Variants in CATSPERB observed in about 807,000 individuals in gnomAD.
The protein encoded by CATSPERB is catsper channel auxiliary subunit beta.
In CATSPERB, 93 loss-of-function variants were observed where a neutral mutation model predicts 128.3. That is an observed-to-expected ratio of 0.72 (90% CI 0.61 to 0.86). CATSPERB has a LOEUF of 0.86. Ranked by LOEUF, CATSPERB falls within the 40% of genes least tolerant of loss-of-function variation. The probability of loss-of-function intolerance (pLI) is 0.00; values close to 1 mark genes in which losing one functional copy is unlikely to be tolerated. For missense variants in CATSPERB, 1,153 were observed against 1,329.5 expected (o/e 0.87, Z 2.06); for synonymous variants, 381 against 448.8 (o/e 0.85, Z 1.91).
chr14:91,594,410 T>C (rs1031330944), intron 22 of CATSPERB, among the ~76,000 whole-genome samples: 3 of 151,398 alleles, frequency 2.0e-5, no homozygotes, highest in African/African-American at 7.3e-5. Context: ...CACACCAACA[T>C]GGCACATGTA....
chr14:91,687,376 A>G (rs1023784561), intron 10 of CATSPERB, among the ~76,000 whole-genome samples: 2 of 152,100 alleles, frequency 1.3e-5, no homozygotes, highest in African/African-American at 4.8e-5. Context: ...TGGAATTAGT[A>G]CCCTTATTTG....
intron 22 of CATSPERB, chr14:91,604,908 G>T: frequency 8.0e-7 from 1 of 1,243,168 alleles, no homozygotes; most frequent in Non-Finnish European, 1.2e-6. Context: ...GTCTTAACCT[G>T]TTTGTAGCTG....
intron 10 of CATSPERB, among the ~76,000 whole-genome samples, chr14:91,688,781 C>T (rs955096413): frequency 2.0e-5 from 3 of 152,156 alleles, no homozygotes; most frequent in African/African-American, 7.2e-5. Context: ...ACTTGAAGCT[C>T]TTTATTGATA....
chr14:91,727,516 C>A (rs17783522), intron 2 of CATSPERB, among the ~76,000 whole-genome samples: 77,156 of 151,968 alleles, frequency 0.51, 20,288 homozygotes, highest in Admixed American at 0.59. Flanking sequence ...ACAAATATCA[C>A]AAATATGCAA....
At chr14:91,727,621 A>G (rs1896139395) in intron 2 of CATSPERB, among the ~76,000 whole-genome samples, 1 of 152,212 alleles carries the variant, frequency 6.6e-6, no homozygotes, top group African/African-American at 2.4e-5. Flanking sequence ...CAATGCTATC[A>G]GACCTATTTT....
intron 13 of CATSPERB, among the ~76,000 whole-genome samples, chr14:91,671,691 T>G (rs2139830740): frequency 6.6e-6 from 1 of 152,208 alleles, no homozygotes; most frequent in South Asian, 2.1e-4. Context: ...AAAAGCAATT[T>G]GTTTTTCCAT....
chr14:91,585,306 CTT>C (rs2139754502), intron 26 of CATSPERB, among the ~76,000 whole-genome samples: 1 of 152,266 alleles, frequency 6.6e-6, no homozygotes, highest in African/African-American at 2.4e-5. Context: ...CCATACCAGT[CTT>C]TTTCTCCTCT....
intron 22 of CATSPERB, among the ~76,000 whole-genome samples, chr14:91,608,021 G>C (rs186499099): frequency 6.6e-6 from 1 of 152,132 alleles, no homozygotes; most frequent in African/African-American, 2.4e-5. Context: ...CCTTTCATTC[G>C]AGAAAAGATG....
intron 16 of CATSPERB, 100 bp from the exon 17 acceptor site, chr14:91,636,679 A>C: frequency 2.0e-6 from 2 of 1,006,866 alleles, no homozygotes; most frequent in Non-Finnish European, 2.9e-6. Flanking sequence ...CATTAAAACA[A>C]TACTGGTTTA....
In CATSPERB at chr14:91,729,842, G is replaced by A. The variant is rs374152741; in HGVS notation, c.1-363C>T. Among the ~76,000 whole-genome samples, 12 of 152,260 alleles carry A rather than the reference G, an allele frequency of 7.9e-5. No individual in the cohort carries two copies. The East Asian group carries it at 2.1e-3, about 27-fold the overall frequency. Reference sequence around the variant, plus strand: ...TAACTTAATCTAATATTTTGACAACGTTGCTTTTGGGGAAGACAATTCACA... The same window carrying A: ...TAACTTAATCTAATATTTTGACAACATTGCTTTTGGGGAAGACAATTCACA... On this transcript the variant is annotated intron_variant, in intron 1 of 26. Transcript: ENST00000256343.
At chr14:91,664,764 C>A (rs1009090675) in intron 14 of CATSPERB, among the ~76,000 whole-genome samples, 3 of 152,082 alleles carry the variant, frequency 2.0e-5, no homozygotes, top group Non-Finnish European at 4.4e-5. Flanking sequence ...GTTCCAATTC[C>A]TTGGTCTTTC....
intron 4 of CATSPERB, among the ~76,000 whole-genome samples, chr14:91,721,475 A>G (rs1036058001): frequency 6.6e-6 from 1 of 152,228 alleles, no homozygotes; most frequent in Non-Finnish European, 1.5e-5. Context: ...AAGATACTCA[A>G]CATCATTAGT....
At chr14:91,586,571 A>AGAGAAAGAGAGAGAG (rs374162982) in intron 26 of CATSPERB, among the ~76,000 whole-genome samples, 2,996 of 114,020 alleles carry the variant, frequency 0.026, 68 homozygotes, top group African/African-American at 0.046. Flanking sequence ...GAGAGAGAGA[A>AGAGAAAGAGAGAGAG]AGAGAGAGAG....
Position 91,581,091 on chromosome 14 carries a change from G to T in CATSPERB, c.3149C>A (p.Ala1050Glu). 1 of 1,613,824 alleles carries T rather than the reference G, an allele frequency of 6.2e-7. No homozygotes were observed. Among genetic ancestry groups the T allele is most frequent in the South Asian group, 1.1e-5 (1 of 90,992 alleles). The change falls in exon 27 of 27, where the codon GCA becomes GAA. Residue 1050 changes from alanine (A) to glutamate (E), a missense_variant. Coordinates refer to ENST00000256343, the MANE Select transcript of CATSPERB (RefSeq NM_024764.4). ...IEEFQIYVDEAPLPFPGHTLI... is the reference protein window; with the variant it reads ...IEEFQIYVDEEPLPFPGHTLI... ...CGTGTGTCCTGGGAATGGCAATGGT[G>T]CCTCATCAACATAAATCTGCAACAG...
chr14:91,693,857 G>T (rs1895513528), intron 7 of CATSPERB, among the ~76,000 whole-genome samples: 1 of 152,036 alleles, frequency 6.6e-6, no homozygotes. Flanking sequence ...ATCAATAAGT[G>T]CAGTCTCTGC....
intron 4 of CATSPERB, 151 bp downstream of exon 4, chr14:91,722,897 GT>G (rs1242282143): frequency 1.0e-5 from 5 of 477,606 alleles, no homozygotes; most frequent in African/African-American, 8.0e-5. Flanking sequence ...ATATATGACT[GT>G]TTAAAGCAAA....
intron 10 of CATSPERB, among the ~76,000 whole-genome samples, chr14:91,686,904 A>G (rs1895384932): frequency 1.3e-5 from 2 of 152,188 alleles, no homozygotes; most frequent in African/African-American, 2.4e-5. Flanking sequence ...AGTTCATACA[A>G]TGGAATACTT....
chr14:91,595,408 CT>C (rs1893488957), intron 22 of CATSPERB, among the ~76,000 whole-genome samples: 3 of 152,028 alleles, frequency 2.0e-5, no homozygotes. Flanking sequence ...ACCTCGTGGT[CT>C]GCCCATCTCG....
intron 7 of CATSPERB, among the ~76,000 whole-genome samples, chr14:91,694,182 C>T (rs756871094): frequency 4.6e-5 from 7 of 151,880 alleles, no homozygotes; most frequent in Non-Finnish European, 7.4e-5. Context: ...TGGTGGCTTA[C>T]GCCTATAATC....
Sources: allele counts gnomAD v4.1 joint callset (sites outside exome capture counted in the v4.1 genomes callset), GRCh38; gene constraint gnomAD v4.1.1; transcripts MANE v1.5; gene names NCBI Gene and HGNC (gene_info 2026-07-23, HGNC 2026-07-21).